PLXDC1: variants seen among roughly 807,000 people sequenced by gnomAD.
PLXDC1 encodes the protein plexin domain-containing protein 1.
PLXDC1 carries 39 observed loss-of-function variants against 61.3 expected under a neutral mutation model. That is an observed-to-expected ratio of 0.64 (90% CI 0.49 to 0.83). PLXDC1 has a LOEUF of 0.83. PLXDC1 is among the 40% of genes least tolerant of loss of function. The probability of loss-of-function intolerance (pLI) is 0.00; values close to 1 mark genes in which losing one functional copy is unlikely to be tolerated. For synonymous variants in PLXDC1, 212 were observed against 254.5 expected (o/e 0.83, Z 1.59); for missense variants, 596 against 666.5 (o/e 0.89, Z 1.17).
chr17:39,131,947 C>T (rs934722833), intron 2 of PLXDC1: 1 of 152,680 alleles, frequency 6.5e-6, no homozygotes, highest in Non-Finnish European at 1.5e-5. Flanking sequence ...TGCCAACTGT[C>T]TTGGATGATG....
intron 7 of PLXDC1, among the ~76,000 whole-genome samples, chr17:39,089,779 A>G (rs779347009): frequency 3.3e-5 from 5 of 152,070 alleles, no homozygotes; most frequent in African/African-American, 4.8e-5. Context: ...AGCTTTGTCC[A>G]TGGTTCACAT....
chr17:39,132,453 C>G (rs536791340), intron 2 of PLXDC1, among the ~76,000 whole-genome samples: 1 of 152,306 alleles, frequency 6.6e-6, no homozygotes, highest in East Asian at 1.9e-4. Flanking sequence ...AATCTTGAGT[C>G]TGGACAAGAG....
chr17:39,123,483 C>T (rs1199392953), intron 2 of PLXDC1, among the ~76,000 whole-genome samples: 5 of 152,200 alleles, frequency 3.3e-5, no homozygotes, highest in Admixed American at 2.6e-4. Flanking sequence ...AGCCACCGCG[C>T]CTGGCCTCTT....
At chr17:39,130,156 A>G (rs1911511872) in intron 2 of PLXDC1, among the ~76,000 whole-genome samples, 1 of 152,124 alleles carries the variant, frequency 6.6e-6, no homozygotes, top group Non-Finnish European at 1.5e-5. Flanking sequence ...CTTTTGGGTA[A>G]TGAAAATGTT....
chr17:39,103,106 T>C (rs4462632), intron 7 of PLXDC1, among the ~76,000 whole-genome samples: 34,886 of 151,570 alleles, frequency 0.23, 5,081 homozygotes, highest in Admixed American at 0.35. Context: ...TCCCAGCTAC[T>C]CAGGAGGCTG....
chr17:39,096,924 A>T (rs1450245868), intron 7 of PLXDC1: 1 of 471,214 alleles, frequency 2.1e-6, no homozygotes, highest in African/African-American at 2.0e-5. Context: ...TGCTAATTGC[A>T]CATGACTTTT....
intron 3 of PLXDC1, 105 bp downstream of exon 3, chr17:39,109,143 C>G: frequency 1.4e-6 from 2 of 1,452,374 alleles, no homozygotes; most frequent in Non-Finnish European, 1.9e-6. Flanking sequence ...AGGTACCTCC[C>G]AGGTCACAGA....
chr17:39,089,552 G>A (rs974855348), intron 7 of PLXDC1, among the ~76,000 whole-genome samples: 12 of 152,160 alleles, frequency 7.9e-5, no homozygotes, highest in African/African-American at 2.7e-4. Context: ...AGTATCCTCC[G>A]TGCACCCCCC....
chr17:39,079,027 G>A, intron 10 of PLXDC1, 77 bp downstream of exon 10: 2 of 1,150,248 alleles, frequency 1.7e-6, no homozygotes, highest in South Asian at 2.5e-5. Context: ...AGAGTTTCCA[G>A]GGGCAGGCCC....
intron 2 of PLXDC1, among the ~76,000 whole-genome samples, chr17:39,128,167 A>ATATATGTG (rs1470489681): frequency 1.2e-4 from 15 of 125,288 alleles, no homozygotes; most frequent in East Asian, 4.8e-4. Context: ...ATATATGTAT[A>ATATATGTG]TATATGTATA....
chr17:39,099,652 A>C (rs11079077), intron 7 of PLXDC1, among the ~76,000 whole-genome samples: 50,130 of 152,006 alleles, frequency 0.33, 8,785 homozygotes, highest in Admixed American at 0.44. Context: ...TAAATGGAGA[A>C]GATCTGGACT....
chr17:39,078,035 A>T lies in PLXDC1; in HGVS notation c.1064T>A (p.Met355Lys), dbSNP rs756822714. 60 of 1,608,690 alleles carry T rather than the reference A, an allele frequency of 3.7e-5. No homozygotes were observed. The highest frequency in any genetic ancestry group is 5.0e-5 in the Non-Finnish European group (59 of 1,177,288). The change falls in exon 11 of 14, where the codon ATG becomes AAG. Residue 355 changes from methionine (M) to lysine (K), a missense_variant. Transcript: ENST00000315392. ...YGCAQEAEGR[M>K]CEDFQDEDHD... ...GTCCTCATCCTGGAAGTCCTCGCACATCCTGCCCTCTGCCTGCAGGAGAGA... is the reference window on the plus strand; with the variant it reads ...GTCCTCATCCTGGAAGTCCTCGCACTTCCTGCCCTCTGCCTGCAGGAGAGA...
In PLXDC1 at chr17:39,133,965, G is replaced by A. The variant is rs1229034058; in HGVS notation, c.255+5689C>T. Among the ~76,000 whole-genome samples, 3 of 151,124 alleles carry A rather than the reference G, an allele frequency of 2.0e-5. No homozygotes were observed. In the East Asian group the frequency reaches 6.0e-4, roughly 30 times the overall value. ...TGATGCAGGAGGTGATAAGTAATAC[G>A]GAGAAAAATAGGCCAGGTGCAGTGG... On this transcript the variant is annotated intron_variant, in intron 2 of 13. Transcript: ENST00000315392.
In PLXDC1 at chr17:39,145,394, C is replaced by T. The variant is rs115214683; in HGVS notation, c.77-5562G>A. Among the ~76,000 whole-genome samples, 914 of 152,350 alleles carry T rather than the reference C, an allele frequency of 6.0e-3. 14 individuals are homozygous for T. The highest frequency in any genetic ancestry group is 0.021 in the African/African-American group (860 of 41,582). Reference sequence around the variant, plus strand: ...GCCCCAGAGCCTGGGCCAAGCCATCCTCATCTCACCCAACACCCAAACTTG... The same window carrying T: ...GCCCCAGAGCCTGGGCCAAGCCATCTTCATCTCACCCAACACCCAAACTTG... On this transcript the variant is annotated intron_variant, in intron 1 of 13. Transcript: ENST00000315392.
chr17:39,129,869 G>T (rs964464054), intron 2 of PLXDC1, among the ~76,000 whole-genome samples: 1 of 152,056 alleles, frequency 6.6e-6, no homozygotes, highest in Admixed American at 6.6e-5. Flanking sequence ...CAGCCAAAAG[G>T]TAGAAACAGC....
intron 8 of PLXDC1, among the ~76,000 whole-genome samples, chr17:39,087,380 C>T (rs1909781035): frequency 6.6e-6 from 1 of 152,202 alleles, no homozygotes; most frequent in Non-Finnish European, 1.5e-5. Flanking sequence ...ATGGACCCAT[C>T]AATGTCAGAG....
intron 1 of PLXDC1, among the ~76,000 whole-genome samples, chr17:39,145,091 C>T (rs1408854000): frequency 6.6e-6 from 1 of 152,186 alleles, no homozygotes; most frequent in Non-Finnish European, 1.5e-5. Context: ...CCAGAGCCTA[C>T]TCAGAACCAC....
At position 39,108,460 on chromosome 17, in the gene PLXDC1, G is replaced by A. The variant is rs1394117833; in HGVS notation, c.470-215C>T. 5 of 586,912 alleles carry A rather than the reference G, an allele frequency of 8.5e-6. No individual in the cohort carries two copies. The South Asian group carries it at 1.0e-4, about 12-fold the overall frequency. 36.4% of individuals were successfully genotyped at this position (586,912 alleles called of 1,614,324 possible). A position where few individuals can be genotyped will look rare whatever the true frequency, so the allele number is the denominator to read the frequency against. Reference sequence around the variant, plus strand: ...AGGTCCTCCCTGTCCCTTCAGCAGGGCACAGACTATAGGGCGAGGGGGCAG... The same window carrying A: ...AGGTCCTCCCTGTCCCTTCAGCAGGACACAGACTATAGGGCGAGGGGGCAG... On this transcript the variant is annotated intron_variant, in intron 4 of 13. Coordinates refer to ENST00000315392, the MANE Select transcript of PLXDC1 (RefSeq NM_020405.5).
At chr17:39,109,534 AT>A in intron 2 of PLXDC1, 143 bp from the exon 3 acceptor site, 1 of 1,001,426 alleles carries the variant, frequency 1.0e-6, no homozygotes, top group Non-Finnish European at 1.4e-6. Flanking sequence ...CCAAGGGCTG[AT>A]TTAGGCCTAG....
Sources: gnomAD v4.1 joint callset for allele counts (sites outside exome capture counted in the v4.1 genomes callset) on GRCh38, gnomAD v4.1.1 for gene constraint, MANE v1.5 for transcripts, NCBI Gene and HGNC (gene_info 2026-07-23, HGNC 2026-07-21) for gene names.